Variants in ZNF652 observed in about 807,000 individuals in gnomAD.
ZNF652 encodes the protein zinc finger protein 652.
Under a neutral mutation model 45.2 loss-of-function variants are expected in ZNF652, and 16 were observed. The observed-to-expected ratio is 0.35, with a 90% CI of 0.24 to 0.54. The LOEUF is 0.54. ZNF652 is among the 20% of genes least tolerant of loss of function. The probability of loss-of-function intolerance (pLI) is 0.91; values close to 1 mark genes in which losing one functional copy is unlikely to be tolerated. For missense variants in ZNF652, 614 were observed against 765.6 expected, an observed-to-expected ratio of 0.80 and a Z score of 2.34; for synonymous variants, 250 against 260.6, an observed-to-expected ratio of 0.96 and a Z score of 0.39.
chr17:49,313,364 G>C (rs1046698379), intron 2 of ZNF652, among the ~76,000 whole-genome samples: 4 of 151,778 alleles, frequency 2.6e-5, no homozygotes, highest in African/African-American at 9.7e-5. Context: ...TCACCGTGTT[G>C]GCCAGGGTGA....
At chr17:49,302,872 G>A (rs1018040889) in intron 5 of ZNF652, among the ~76,000 whole-genome samples, 20 of 152,066 alleles carry the variant, frequency 1.3e-4, no homozygotes, top group African/African-American at 4.8e-4. Flanking sequence ...TGAGGCAGGA[G>A]AATCGCTTGA....
chr17:49,338,164 T>C (rs1194779474), intron 1 of ZNF652, among the ~76,000 whole-genome samples: 1 of 149,798 alleles, frequency 6.7e-6, no homozygotes, highest in African/African-American at 2.5e-5. Flanking sequence ...TTTTTTTTGG[T>C]AGAGACGGAG....
rs191346217 is a variant in ZNF652, at chr17:49,300,854, G to A, written c.1310-1930C>T. ...ATCTTCACAGTGACTGTATGAGGCA[G>A]GTATATTATTACCCCTTATTTTACT... On this transcript the variant is annotated intron_variant, in intron 5 of 5. Coordinates refer to ENST00000430262, the MANE Select transcript of ZNF652 (RefSeq NM_001145365.3). 2.7e-3 allele frequency among the ~76,000 whole-genome samples: 404 copies of A among 152,180 alleles called. 1 individual carries two copies. The highest frequency in any genetic ancestry group is 8.9e-3 in the African/African-American group (370 of 41,500).
At chr17:49,301,335 C>T (rs369998728) in intron 5 of ZNF652, among the ~76,000 whole-genome samples, 37 of 152,042 alleles carry the variant, frequency 2.4e-4, no homozygotes, top group East Asian at 1.9e-3. Context: ...GCTCTGTCGC[C>T]CAGGCTGAAG....
upstream of ZNF652, chr17:49,362,441 G>C (rs1013602786): frequency 6.6e-6 from 1 of 151,916 alleles, no homozygotes; most frequent in African/African-American, 2.4e-5. Flanking sequence ...CATTGTGAGC[G>C]CTCCGCCGCC....
intron 5 of ZNF652, among the ~76,000 whole-genome samples, chr17:49,303,340 G>C (rs1023449647): frequency 2.0e-5 from 3 of 147,248 alleles, no homozygotes; most frequent in Non-Finnish European, 4.4e-5. Context: ...TTCTGGGTTT[G>C]AGCAATTCTC....
In ZNF652 at chr17:49,292,343, G is replaced by A. The variant is rs995951016; in HGVS notation, c.*6070C>T. Among the ~76,000 whole-genome samples, 1 of 152,076 alleles carries A rather than the reference G, an allele frequency of 6.6e-6. No homozygotes were observed. The highest frequency in any genetic ancestry group is 1.5e-5 in the Non-Finnish European group (1 of 68,014). ...TTGCTAAATGTTTCATCACGGAGGT[G>A]CTCGATCATATTATATAAAACACTG... On this transcript the variant is annotated 3_prime_UTR_variant, in exon 6 of 6. Coordinates refer to ENST00000430262, the MANE Select transcript of ZNF652 (RefSeq NM_001145365.3).
rs1229037071 is a variant in ZNF652, at chr17:49,291,382, G to A, written c.*7031C>T. The A allele has an allele frequency of 6.6e-6, 1 of 152,164 alleles. No homozygotes were observed. The highest frequency in any genetic ancestry group is 1.5e-5 in the Non-Finnish European group (1 of 68,030). 9.4% of individuals were successfully genotyped at this position (152,164 alleles called of 1,614,324 possible). Reference sequence around the variant, plus strand: ...TCTTTAGTTGATCAGAACTAGCCAAGGCAAGTATCAGATTTCCTTCTGAAG... The same window carrying A: ...TCTTTAGTTGATCAGAACTAGCCAAAGCAAGTATCAGATTTCCTTCTGAAG... On this transcript the variant is annotated 3_prime_UTR_variant, in exon 6 of 6. Coordinates refer to ENST00000430262, the MANE Select transcript of ZNF652 (RefSeq NM_001145365.3).
At chr17:49,332,714 C>A (rs1207910141) in intron 1 of ZNF652, among the ~76,000 whole-genome samples, 3 of 152,162 alleles carry the variant, frequency 2.0e-5, no homozygotes, top group Non-Finnish European at 4.4e-5. Flanking sequence ...CTCCTGGCCT[C>A]AAATGATCCT....
intron 5 of ZNF652, among the ~76,000 whole-genome samples, chr17:49,301,460 G>C (rs1204028508): frequency 1.3e-5 from 2 of 152,088 alleles, no homozygotes. Context: ...ACCACACCCA[G>C]CTAAGTTTTG....
chr17:49,353,766 G>GCTT (rs1189445957), intron 1 of ZNF652, among the ~76,000 whole-genome samples: 1 of 152,162 alleles, frequency 6.6e-6, no homozygotes, highest in Non-Finnish European at 1.5e-5. Context: ...CGCATGCACT[G>GCTT]CTTCTTACTG....
intron 1 of ZNF652, among the ~76,000 whole-genome samples, chr17:49,337,348 A>G (rs1372169202): frequency 2.6e-5 from 4 of 151,228 alleles, no homozygotes; most frequent in Admixed American, 6.6e-5. Flanking sequence ...AAAAAAAAAA[A>G]AAAAAAGAAA....
rs1245347204 is a variant in ZNF652, at chr17:49,312,049, C to T, written c.1049-7G>A. 2.5e-6 allele frequency: 4 copies of T among 1,604,182 alleles called. No individual in the cohort carries two copies. In the South Asian group the frequency reaches 4.4e-5, roughly 18 times the overall value. ...GGCATGTCTTTTGTGTGTGCTGCAACACAGAATGTACTTAGTGTCAAAACA... is the reference window on the plus strand; with the variant it reads ...GGCATGTCTTTTGTGTGTGCTGCAATACAGAATGTACTTAGTGTCAAAACA... On this transcript the variant is annotated splice_region_variant and splice_polypyrimidine_tract_variant and intron_variant, in intron 3 of 5. Coordinates refer to ENST00000430262, the MANE Select transcript of ZNF652 (RefSeq NM_001145365.3).
rs374426909 is a variant in ZNF652 at position 49,335,936 on chromosome 17, TAGTC to T, written c.-258-17957_-258-17954del. Among the ~76,000 whole-genome samples, 36 of 152,280 alleles carry T rather than the reference TAGTC, an allele frequency of 2.4e-4. 1 individual carries two copies. In the East Asian group the frequency reaches 6.7e-3, roughly 29 times the overall value. On this transcript the variant is annotated intron_variant, in intron 1 of 5. Coordinates refer to ENST00000430262, the MANE Select transcript of ZNF652 (RefSeq NM_001145365.3). ...TGATTCTATTCATAATCCTCTGCCT[TAGTC>T]AGAAAGCATTTAAGGCAATATGCAA...
intron 1 of ZNF652, among the ~76,000 whole-genome samples, chr17:49,327,440 G>GT (rs1393979007): frequency 1.3e-5 from 2 of 151,934 alleles, no homozygotes; most frequent in South Asian, 2.1e-4. Context: ...CATTACAAGC[G>GT]TGAGCCACTG....
rs902986991 is a variant in ZNF652, at chr17:49,292,175, CT to C, written c.*6237del. Among the ~76,000 whole-genome samples the C allele has an allele frequency of 6.6e-6, 1 of 151,726 alleles. No homozygotes were observed. The highest frequency in any genetic ancestry group is 1.5e-5 in the Non-Finnish European group (1 of 67,962). On this transcript the variant is annotated 3_prime_UTR_variant, in exon 6 of 6. Coordinates refer to ENST00000430262, the MANE Select transcript of ZNF652 (RefSeq NM_001145365.3). Reference sequence around the variant, plus strand: ...TGCTCAACTCCAAGCTTTCATTCACCTAAAAAAATGCAATCAAATCTCCTCA... The same window carrying C: ...TGCTCAACTCCAAGCTTTCATTCACCAAAAAAATGCAATCAAATCTCCTCA...
At chr17:49,344,451 A>G (rs1453361713) in intron 1 of ZNF652, among the ~76,000 whole-genome samples, 1 of 151,836 alleles carries the variant, frequency 6.6e-6, no homozygotes, top group African/African-American at 2.4e-5. Flanking sequence ...AATATATATA[A>G]TATTCTTCAA....
At chr17:49,329,694 TA>T (rs1006228563) in intron 1 of ZNF652, among the ~76,000 whole-genome samples, 86 of 152,354 alleles carry the variant, frequency 5.6e-4, no homozygotes, top group Middle Eastern at 3.4e-3. Flanking sequence ...AAAGCTTTTA[TA>T]AAAATAAAAT....
chr17:49,325,958 C>A (rs1464875261), intron 1 of ZNF652, among the ~76,000 whole-genome samples: 3 of 151,976 alleles, frequency 2.0e-5, no homozygotes, highest in Admixed American at 1.3e-4. Flanking sequence ...GAGTGGTTTG[C>A]CTCAACTCTA....
Sources: allele counts gnomAD v4.1 joint callset (sites outside exome capture counted in the v4.1 genomes callset), GRCh38; gene constraint gnomAD v4.1.1; transcripts MANE v1.5; gene names NCBI Gene and HGNC (gene_info 2026-07-23, HGNC 2026-07-21).